KDR: variants seen among roughly 807,000 people sequenced by gnomAD.
The protein encoded by KDR is vascular endothelial growth factor receptor 2.
KDR carries 43 observed loss-of-function variants against 160.9 expected under a neutral mutation model. The observed-to-expected ratio is 0.27, with a 90% CI of 0.21 to 0.34. The LOEUF is 0.34. Among genes scored for constraint, KDR ranks in the 10% least tolerant of loss-of-function variants. The probability of loss-of-function intolerance (pLI) is 1.00; values close to 1 mark genes in which losing one functional copy is unlikely to be tolerated. For missense variants in KDR, 1,469 were observed against 1,666.4 expected, an observed-to-expected ratio of 0.88 and a Z score of 2.06; for synonymous variants, 617 against 600.1, an observed-to-expected ratio of 1.03 and a Z score of -0.41.
intron 21 of KDR, among the ~76,000 whole-genome samples, chr4:55,094,312 T>C (rs1720093647): frequency 6.6e-6 from 1 of 152,108 alleles, no homozygotes; most frequent in Non-Finnish European, 1.5e-5. Context: ...GGAAGTATGG[T>C]TGGAAGGAAG....
At position 55,096,333 on chromosome 4, in the gene KDR, G is replaced by C; in HGVS notation, c.2624C>G (p.Thr875Arg). The stretch of plus-strand genomic sequence containing the variant: ...CATGAGAGCTCGATGCTCACTGTGT[G>C]TTGCTCCTTCTACAAATACAGTACA... ...VAVKMLKEGA[T>R]HSEHRALMSE... The change falls in exon 19 of 30, where the codon ACA becomes AGA. Residue 875 changes from threonine (T) to arginine (R), a missense_variant. This residue lies in a region of KDR where 151 missense variants were observed against 207.2 expected (regional missense o/e 0.73). Coordinates refer to ENST00000263923, the MANE Select transcript of KDR (RefSeq NM_002253.4). 6.2e-7 allele frequency: 1 copy of C among 1,609,004 alleles called. No homozygotes were observed. Among genetic ancestry groups the C allele is most frequent in the Non-Finnish European group, 8.5e-7 (1 of 1,175,774 alleles).
In KDR at chr4:55,079,660, C is replaced by G. The variant is rs1475532319; in HGVS notation, c.*281G>C. The G allele has an allele frequency of 6.0e-6, 3 of 501,160 alleles. No individual in the cohort carries two copies. The highest frequency in any genetic ancestry group is 3.8e-5 in the African/African-American group (2 of 52,262). The allele number at this position is 501,160 out of a possible 1,614,324, so 31.0% of individuals were successfully genotyped here. Reference sequence around the variant, plus strand: ...TTTCTTGAACGTCTTTGTTCTAAACCCATGGTGAGACCCGCAGCAGGGGGC... The same window carrying G: ...TTTCTTGAACGTCTTTGTTCTAAACGCATGGTGAGACCCGCAGCAGGGGGC... On this transcript the variant is annotated 3_prime_UTR_variant, in exon 30 of 30. Coordinates refer to ENST00000263923, the MANE Select transcript of KDR (RefSeq NM_002253.4).
In KDR at chr4:55,119,436, A is replaced by G. The variant is rs191797485; in HGVS notation, c.162-636T>C. Among the ~76,000 whole-genome samples, 21 of 152,374 alleles carry G rather than the reference A, an allele frequency of 1.4e-4. No individual in the cohort carries two copies. The East Asian group carries it at 3.7e-3, about 27-fold the overall frequency. On this transcript the variant is annotated intron_variant, in intron 2 of 29. Coordinates refer to ENST00000263923, the MANE Select transcript of KDR (RefSeq NM_002253.4). ...AAAATCAATGCCTTTATGGAACCTC[A>G]GTCTAACTGGAGAAAACAGGCAATT...
intron 29 of KDR, 72 bp from the exon 30 acceptor site, chr4:55,080,235 T>A: frequency 7.5e-7 from 1 of 1,337,930 alleles, no homozygotes; most frequent in East Asian, 2.3e-5. Context: ...CCTCACCCCA[T>A]TCCCAACTCC....
intron 13 of KDR, among the ~76,000 whole-genome samples, chr4:55,103,309 T>C (rs1479068790): frequency 1.3e-5 from 2 of 152,194 alleles, no homozygotes; most frequent in Admixed American, 6.5e-5. Flanking sequence ...AAAGGAATCA[T>C]GCTGAAAAAA....
chr4:55,111,733 G>A (rs967186297), intron 7 of KDR, among the ~76,000 whole-genome samples: 4 of 152,162 alleles, frequency 2.6e-5, no homozygotes, highest in African/African-American at 9.7e-5. Context: ...ATAAATTTAG[G>A]ACACTTAGTG....
intron 24 of KDR, 75 bp downstream of exon 24, chr4:55,089,616 A>C: frequency 7.1e-7 from 1 of 1,402,712 alleles, no homozygotes; most frequent in Non-Finnish European, 1.0e-6. Flanking sequence ...ATAGACATGA[A>C]GTACAGGAGA....
intron 18 of KDR, among the ~76,000 whole-genome samples, chr4:55,097,012 T>C (rs568496788): frequency 6.6e-6 from 1 of 152,260 alleles, no homozygotes; most frequent in South Asian, 2.1e-4. Context: ...ACAAAACCTA[T>C]TGGCAAAGGG....
intron 20 of KDR, 117 bp from the exon 21 acceptor site, chr4:55,095,072 A>G (rs1720118151): frequency 3.0e-6 from 3 of 997,398 alleles, no homozygotes; most frequent in Non-Finnish European, 4.6e-6. Context: ...AAAAGCAGAC[A>G]AGGAGGACAT....
chr4:55,084,239 T>C (rs1449962191), intron 27 of KDR, among the ~76,000 whole-genome samples: 1 of 152,204 alleles, frequency 6.6e-6, no homozygotes, highest in Non-Finnish European at 1.5e-5. Flanking sequence ...CAAGATCAGA[T>C]ATGCCCTTTA....
intron 22 of KDR, chr4:55,092,390 A>C: frequency 1.9e-6 from 1 of 535,086 alleles, no homozygotes; most frequent in Non-Finnish European, 3.4e-6. Flanking sequence ...AGACTGCCTC[A>C]CACTTAGTAG....
intron 22 of KDR, among the ~76,000 whole-genome samples, chr4:55,090,784 A>G (rs918890721): frequency 6.6e-6 from 1 of 151,562 alleles, no homozygotes; most frequent in South Asian, 2.1e-4. Flanking sequence ...TTAGCTCCAC[A>G]TGATATTTTG....
chr4:55,106,857 A>T, intron 10 of KDR, 47 bp from the exon 11 acceptor site: 1 of 1,510,314 alleles, frequency 6.6e-7, no homozygotes, highest in Non-Finnish European at 9.2e-7. Flanking sequence ...ATTTTTCTTT[A>T]ATTAGAGTCA....
chr4:55,089,998 G>T lies in KDR; in HGVS notation c.3150C>A (p.Ala1050=), dbSNP rs2110011569. The T allele has an allele frequency of 6.2e-7, 1 of 1,613,908 alleles. No homozygotes were observed. The highest frequency in any genetic ancestry group is 8.5e-7 in the Non-Finnish European group (1 of 1,179,920). ...NVVKICDFGL[A]RDIYKDPDYV... The stretch of plus-strand genomic sequence containing the variant: ...AATCTGGATCTTTATAAATATCCCG[G>T]GCCAAGCCAAAGTCACAGATTTTAA... The change falls in exon 23 of 30, where the codon GCC becomes GCA. Residue 1050 remains alanine, a synonymous_variant. Coordinates refer to ENST00000263923, the MANE Select transcript of KDR (RefSeq NM_002253.4).
At chr4:55,120,300 T>C (rs1173307577) in intron 2 of KDR, among the ~76,000 whole-genome samples, 3 of 152,174 alleles carry the variant, frequency 2.0e-5, no homozygotes, top group African/African-American at 7.2e-5. Flanking sequence ...CACCTCCACT[T>C]GTCACAGTCT....
At position 55,105,935 on chromosome 4, in the gene KDR, T is replaced by TA. The variant is rs1228652708; in HGVS notation, c.1541dup (p.Ser515LysfsTer17). ...TTGCCGCTTGGATAACAAGGGTACTTACAGTCTGTGCGGGGAAAAAACAAA... is the reference window on the plus strand; with the variant it reads ...TTGCCGCTTGGATAACAAGGGTACTTAACAGTCTGTGCGGGGAAAAAACAAA... On this transcript the variant is annotated frameshift_variant, in exon 12 of 30. Coordinates refer to ENST00000263923, the MANE Select transcript of KDR (RefSeq NM_002253.4). LOFTEE classifies it high-confidence loss of function. 1.2e-6 allele frequency: 2 copies of TA among 1,608,960 alleles called. No homozygotes were observed. Among genetic ancestry groups the TA allele is most frequent in the Admixed American group, 1.7e-5 (1 of 59,988 alleles).
chr4:55,106,940 C>T, intron 10 of KDR, 130 bp from the exon 11 acceptor site: 6 of 797,972 alleles, frequency 7.5e-6, no homozygotes, highest in Non-Finnish European at 1.3e-5. Context: ...TACCATGGTA[C>T]AAGACTTGGC....
chr4:55,089,514 T>G, intron 24 of KDR, 41 bp from the exon 25 acceptor site: 1 of 1,519,792 alleles, frequency 6.6e-7, no homozygotes, highest in Non-Finnish European at 9.1e-7. Context: ...GATTTGATTT[T>G]CTCTTATAGA....
chr4:55,098,409 AT>A, intron 16 of KDR, 137 bp from the exon 17 acceptor site: 2 of 1,057,564 alleles, frequency 1.9e-6, no homozygotes. Context: ...GAGTGGTCCT[AT>A]TATAACCCTG....
Sources: allele counts gnomAD v4.1 joint callset (sites outside exome capture counted in the v4.1 genomes callset), GRCh38; gene constraint gnomAD v4.1.1; regional missense constraint gnomAD v4.1.1; transcripts MANE v1.5; gene names NCBI Gene and HGNC (gene_info 2026-07-23, HGNC 2026-07-21).